The following MECOM variants were observed in gnomAD, a reference collection of about 807,000 sequenced individuals.
MECOM encodes MDS1 and EVI1 complex locus, also known as histone-lysine N-methyltransferase MECOM.
In MECOM, 13 loss-of-function variants were observed where a neutral mutation model predicts 116.3. The ratio of observed to expected loss-of-function variants is 0.11; its 90% CI spans 0.07 to 0.18. The LOEUF (loss-of-function observed/expected upper bound fraction) is 0.18, where lower values mean the gene tolerates loss of function less well. Ranked by LOEUF, MECOM falls within the 10% of genes least tolerant of loss-of-function variation. The probability of loss-of-function intolerance (pLI) is 1.00; values close to 1 mark genes in which losing one functional copy is unlikely to be tolerated. For missense variants in MECOM, 1,299 were observed against 1,509.0 expected, an observed-to-expected ratio of 0.86 and a Z score of 2.31; for synonymous variants, 528 against 535.2, an observed-to-expected ratio of 0.99 and a Z score of 0.19.
chr3:169,663,507 TC>T lies in MECOM; in HGVS notation c.-136del, dbSNP rs1776606989. 2.1e-5 allele frequency: 14 copies of T among 672,474 alleles called. No individual in the cohort carries two copies. Among genetic ancestry groups the T allele is most frequent in the African/African-American group, 7.5e-5 (4 of 53,104 alleles). 41.7% of individuals were successfully genotyped at this position (672,474 alleles called of 1,614,324 possible). A position where few individuals can be genotyped will look rare whatever the true frequency, so the allele number is the denominator to read the frequency against. On this transcript the variant is annotated 5_prime_UTR_variant, in exon 1 of 17. Transcript: ENST00000651503. Reference sequence around the variant, plus strand: ...CTCTCTCTCTCTCTCTCTCTCTCTCTCTCTCTCTCTCTCTCTCTCTCTCCCT... The same window carrying T: ...CTCTCTCTCTCTCTCTCTCTCTCTCTTCTCTCTCTCTCTCTCTCTCTCCCT...
Position 169,381,406 on chromosome 3 carries a change from G to A in MECOM, c.156C>T (p.Ser52=), listed in dbSNP as rs1218043149. ...NIQEPCSPAT[S]SEAFTPKEGS... ...CCTCCTTTGGAGTGAATGCTTCACTGGATGTGGCAGGAGAGCATGGCTCTT... is the reference window on the plus strand; with the variant it reads ...CCTCCTTTGGAGTGAATGCTTCACTAGATGTGGCAGGAGAGCATGGCTCTT... Residue 52 remains serine, a synonymous_variant, in exon 2 of 17, where the codon TCC becomes TCT. Coordinates refer to ENST00000651503, the MANE Select transcript of MECOM (RefSeq NM_004991.4). The A allele has an allele frequency of 6.2e-7, 1 of 1,613,876 alleles. No individual in the cohort carries two copies. The highest frequency in any genetic ancestry group is 8.5e-7 in the Non-Finnish European group (1 of 1,179,802).
chr3:169,134,100 G>T (rs1735626023), intron 3 of MECOM: 1 of 369,454 alleles, frequency 2.7e-6, no homozygotes, highest in Non-Finnish European at 5.0e-6. Context: ...TTAGACACAC[G>T]TCAGGTCATT....
intron 1 of MECOM, among the ~76,000 whole-genome samples, chr3:169,514,419 G>T (rs1756375004): frequency 6.6e-6 from 1 of 152,178 alleles, no homozygotes; most frequent in South Asian, 2.1e-4. Flanking sequence ...CGACTAAAAG[G>T]TTTTTGGTCT....
intron 1 of MECOM, among the ~76,000 whole-genome samples, chr3:169,601,581 T>C (rs923589377): frequency 1.3e-5 from 2 of 152,168 alleles, no homozygotes; most frequent in Non-Finnish European, 2.9e-5. Flanking sequence ...CTAAACTCTC[T>C]CACCATGCAT....
chr3:169,381,117 G>T, intron 2 of MECOM, 70 bp downstream of exon 2: 1 of 1,360,644 alleles, frequency 7.3e-7, no homozygotes, highest in Non-Finnish European at 1.0e-6. Context: ...CTTATTTTGT[G>T]GATGCTTAAA....
At chr3:169,236,353 A>G (rs921447201) in intron 2 of MECOM, among the ~76,000 whole-genome samples, 1 of 152,234 alleles carries the variant, frequency 6.6e-6, no homozygotes, top group African/African-American at 2.4e-5. Context: ...TCTCATAAGT[A>G]AACTTTCTCT....
intron 1 of MECOM, among the ~76,000 whole-genome samples, chr3:169,607,256 C>T (rs541988875): frequency 1.1e-4 from 17 of 152,178 alleles, no homozygotes; most frequent in Non-Finnish European, 2.2e-4. Context: ...CCTTCTACCA[C>T]GCTATGTACA....
At chr3:169,642,737 TA>T (rs72138096) in intron 1 of MECOM, among the ~76,000 whole-genome samples, 2,836 of 136,104 alleles carry the variant, frequency 0.021, 48 homozygotes, top group South Asian at 0.052. Flanking sequence ...AAAGGTTAAT[TA>T]AAAAAAAAAA....
At chr3:169,285,221 A>G (rs992168083) in intron 2 of MECOM, among the ~76,000 whole-genome samples, 2 of 152,218 alleles carry the variant, frequency 1.3e-5, no homozygotes, top group Non-Finnish European at 2.9e-5. Context: ...CATGGTGGAC[A>G]GGCAGCACAG....
At chr3:169,125,910 T>G (rs3907376) in intron 5 of MECOM, among the ~76,000 whole-genome samples, 43,710 of 151,956 alleles carry the variant, frequency 0.29, 6,410 homozygotes, top group African/African-American at 0.32. Context: ...CAGAAAGTAA[T>G]TTTTGTCATT....
At chr3:169,505,444 T>C (rs1396988566) in intron 1 of MECOM, among the ~76,000 whole-genome samples, 2 of 152,164 alleles carry the variant, frequency 1.3e-5, no homozygotes, top group Non-Finnish European at 2.9e-5. Context: ...AAACTGTATA[T>C]ATTTGAGGTA....
chr3:169,317,492 A>G (rs914411703), intron 2 of MECOM, among the ~76,000 whole-genome samples: 1 of 152,200 alleles, frequency 6.6e-6, no homozygotes, highest in African/African-American at 2.4e-5. Flanking sequence ...GAAGTTCTCA[A>G]CAGCTCAGAG....
chr3:169,474,597 A>G (rs779953309), intron 1 of MECOM, among the ~76,000 whole-genome samples: 9 of 152,148 alleles, frequency 5.9e-5, no homozygotes, highest in Non-Finnish European at 1.0e-4. Flanking sequence ...TAAAAACTCT[A>G]TTATGTGAAA....
chr3:169,536,138 G>GTCC (rs1207694566), intron 1 of MECOM, among the ~76,000 whole-genome samples: 2 of 152,032 alleles, frequency 1.3e-5, no homozygotes, highest in Non-Finnish European at 2.9e-5. Flanking sequence ...GCCTTGTTCT[G>GTCC]TCCTCTTTCT....
chr3:169,223,591 G>A (rs1016887230), intron 2 of MECOM, among the ~76,000 whole-genome samples: 1 of 151,956 alleles, frequency 6.6e-6, no homozygotes, highest in Non-Finnish European at 1.5e-5. Context: ...TTATTGCTGG[G>A]AAATTAGAAC....
intron 1 of MECOM, among the ~76,000 whole-genome samples, chr3:169,519,389 C>T (rs1365290183): frequency 6.6e-6 from 1 of 152,298 alleles, no homozygotes; most frequent in African/African-American, 2.4e-5. Flanking sequence ...TGAACTTTGA[C>T]ATGGAACTAC....
intron 1 of MECOM, among the ~76,000 whole-genome samples, chr3:169,467,893 T>C (rs1179789438): frequency 6.6e-6 from 1 of 152,152 alleles, no homozygotes; most frequent in Non-Finnish European, 1.5e-5. Context: ...TTCATCACCA[T>C]GGAATAGGGA....
intron 16 of MECOM, among the ~76,000 whole-genome samples, chr3:169,088,708 G>C (rs1284680369): frequency 1.3e-5 from 2 of 152,110 alleles, no homozygotes; most frequent in Non-Finnish European, 2.9e-5. Context: ...CAAACATGAT[G>C]AACTAACTGT....
chr3:169,286,453 A>G (rs1713339173), intron 2 of MECOM, among the ~76,000 whole-genome samples: 1 of 152,194 alleles, frequency 6.6e-6, no homozygotes, highest in Admixed American at 6.5e-5. Flanking sequence ...CCCTTCTTGT[A>G]ACATTATCCA....
Sources: allele counts gnomAD v4.1 joint callset (sites outside exome capture counted in the v4.1 genomes callset), GRCh38; gene constraint gnomAD v4.1.1; transcripts MANE v1.5; gene names NCBI Gene and HGNC (gene_info 2026-07-23, HGNC 2026-07-21).